Variants in SAMD9 observed in about 807,000 individuals in gnomAD.
SAMD9 encodes the protein sterile alpha motif domain containing 9.
In SAMD9, 3 loss-of-function variants were observed where a neutral mutation model predicts 1.5. That is an observed-to-expected ratio of 2.05 (90% CI 0.93 to 5.29). The LOEUF (loss-of-function observed/expected upper bound fraction) is 5.29, where lower values mean the gene tolerates loss of function less well. Ranked by LOEUF, SAMD9 falls within the 30% of genes most tolerant of loss-of-function variation. The pLI is 0.02. For missense variants in SAMD9, 1,597 were observed against 1,820.8 expected (o/e 0.88, Z 2.24); for synonymous variants, 635 against 631.9 (o/e 1.00, Z -0.07).
rs1791537407 is a variant in SAMD9, at chr7:93,101,920, A to G, written c.4178T>C (p.Ile1393Thr). 6.2e-7 allele frequency: 1 copy of G among 1,613,860 alleles called. No homozygotes were observed. The highest frequency in any genetic ancestry group is 8.5e-7 in the Non-Finnish European group (1 of 1,179,768). The change falls in exon 3 of 3, where the codon ATT (isoleucine) becomes ACT (threonine). Residue 1393 changes from isoleucine to threonine, a missense_variant. By Grantham distance (89) the Ile-to-Thr change is moderately conservative. This residue lies in a region of SAMD9 where 682 missense variants were observed against 810.0 expected (regional missense o/e 0.84). Transcript: ENST00000379958. Reference sequence around the variant, plus strand: ...GGTAGGTTGGATACAGGAGAGAATAATGTTGGCCAAGATGAAATTTAGCTT... The same window carrying G: ...GGTAGGTTGGATACAGGAGAGAATAGTGTTGGCCAAGATGAAATTTAGCTT... ...KEKLNFILANIILSCIQPTSR... is the reference protein window; with the variant it reads ...KEKLNFILANTILSCIQPTSR...
intron 2 of SAMD9, among the ~76,000 whole-genome samples, chr7:93,108,239 G>A (rs1791677372): frequency 6.6e-6 from 1 of 152,190 alleles, no homozygotes; most frequent in South Asian, 2.1e-4. Flanking sequence ...ATGTCCGGGG[G>A]ACTGCATGTA....
rs756171358 is a variant in SAMD9 at position 93,102,216 on chromosome 7, T to C, written c.3882A>G (p.Arg1294=). 12 of 1,613,654 alleles carry C rather than the reference T, an allele frequency of 7.4e-6. No individual in the cohort carries two copies. Among genetic ancestry groups the C allele is most frequent in the Non-Finnish European group, 1.0e-5 (12 of 1,179,752 alleles). ...ATTTCTTAAAATATCCAGCCACCTT[T>C]CTCCGAGTTTTGGCCTCTTCATTTT... ...IKQNEEAKTR[R]KVAGYFKKYV... The change falls in exon 3 of 3, where the codon AGA becomes AGG. Residue 1294 remains arginine, a synonymous_variant. Transcript: ENST00000379958.
Position 93,103,102 on chromosome 7 carries a change from C to T in SAMD9, c.2996G>A (p.Ser999Asn). 1 of 1,613,780 alleles carries T rather than the reference C, an allele frequency of 6.2e-7. No homozygotes were observed. The highest frequency in any genetic ancestry group is 8.5e-7 in the Non-Finnish European group (1 of 1,179,754). Residue 999 changes from serine (S) to asparagine (N), a missense_variant, in exon 3 of 3, where the codon AGC becomes AAC. Coordinates refer to ENST00000379958, the MANE Select transcript of SAMD9 (RefSeq NM_017654.4). ...AATTTGACTTTTATTCAGGTGATAGCTTTTCTTCAATTCTTCCAGTGAGAA... is the reference window on the plus strand; with the variant it reads ...AATTTGACTTTTATTCAGGTGATAGTTTTTCTTCAATTCTTCCAGTGAGAA... Reference protein sequence around the residue: ...AEFSLEELKKSYHLNKSQIML... With the variant: ...AEFSLEELKKNYHLNKSQIML...
In SAMD9 at chr7:93,102,512, C is replaced by G. The variant is rs1007250074; in HGVS notation, c.3586G>C (p.Gly1196Arg). ...CCAACTTCTATCTCTCCTTGATAAC[C>G]AGCTATATTGTAAGTATCATACCGC... ...KRRYDTYNIA[G>R]YQGEIEVGLY... is the part of the protein sequence containing the mutation. The change falls in exon 3 of 3, where the codon GGT becomes CGT. Residue 1196 changes from glycine (G) to arginine (R), a missense_variant. By Grantham distance (125) the Gly-to-Arg change is moderately radical (BLOSUM62 -2). Around this residue, in one of 6 missense-constraint regions of SAMD9, gnomAD observed 682 missense variants for 810.0 expected, o/e 0.84. Transcript: ENST00000379958. 3 of 1,613,642 alleles carry G rather than the reference C, an allele frequency of 1.9e-6. No homozygotes were observed. In the African/African-American group the frequency reaches 4.0e-5, roughly 22 times the overall value.
chr7:93,108,315 G>A lies in SAMD9; in HGVS notation c.-8-2210C>T, dbSNP rs1238206653. Among the ~76,000 whole-genome samples the A allele has an allele frequency of 3.9e-5, 6 of 152,152 alleles. No homozygotes were observed. The East Asian group carries it at 5.8e-4, about 15-fold the overall frequency. On this transcript the variant is annotated intron_variant, in intron 2 of 2. Coordinates refer to ENST00000379958, the MANE Select transcript of SAMD9 (RefSeq NM_017654.4). Reference sequence around the variant, plus strand: ...TCACCTCCTCAAGCCATAGGGTGCCGAGTCTAAAGCACAGGGCCGGGTTCC... The same window carrying A: ...TCACCTCCTCAAGCCATAGGGTGCCAAGTCTAAAGCACAGGGCCGGGTTCC...
intron 2 of SAMD9, among the ~76,000 whole-genome samples, chr7:93,110,898 G>A (rs984012417): frequency 1.3e-5 from 2 of 152,098 alleles, no homozygotes; most frequent in Admixed American, 6.6e-5. Context: ...ACAGATCCAC[G>A]AGACAGAAAG....
At position 93,104,223 on chromosome 7, in the gene SAMD9, A is replaced by G. The variant is rs1330435705; in HGVS notation, c.1875T>C (p.Thr625=). 6.2e-7 allele frequency: 1 copy of G among 1,613,926 alleles called. No individual in the cohort carries two copies. The highest frequency in any genetic ancestry group is 1.1e-5 in the South Asian group (1 of 91,068). Reference sequence around the variant, plus strand: ...ATGGCAAAAGCCTTTTTGAAGATTGAGTCACAGATTTTAGTTTAAGAATAG... The same window carrying G: ...ATGGCAAAAGCCTTTTTGAAGATTGGGTCACAGATTTTAGTTTAAGAATAG... ...NGTILKLKSV[T]QSSKRLLPSI... The change falls in exon 3 of 3, where the codon ACT becomes ACC. Residue 625 remains threonine, a synonymous_variant. Transcript: ENST00000379958.
Position 93,104,208 on chromosome 7 carries a change from C to A in SAMD9, c.1890G>T (p.Arg630Ser). Residue 630 changes from arginine (R) to serine (S), a missense_variant, in exon 3 of 3, where the codon AGG (arginine) becomes AGT (serine). Arg to Ser is a moderately radical substitution (Grantham distance 110, BLOSUM62 -1). Transcript: ENST00000379958. ...TCGATAAACCAATAGATGGCAAAAG[C>A]CTTTTTGAAGATTGAGTCACAGATT... Reference protein sequence around the residue: ...KLKSVTQSSKRLLPSIGLSTV... With the variant: ...KLKSVTQSSKSLLPSIGLSTV... 6.2e-7 allele frequency: 1 copy of A among 1,613,900 alleles called. No homozygotes were observed. The highest frequency in any genetic ancestry group is 8.5e-7 in the Non-Finnish European group (1 of 1,179,830).
intron 2 of SAMD9, among the ~76,000 whole-genome samples, chr7:93,108,809 G>A (rs1292855169): frequency 6.6e-6 from 1 of 152,198 alleles, no homozygotes; most frequent in Non-Finnish European, 1.5e-5. Context: ...CAGGAAGCTT[G>A]AACTGGGTGG....
At chr7:93,116,695 C>T (rs916010948) in intron 1 of SAMD9, among the ~76,000 whole-genome samples, 34 of 151,930 alleles carry the variant, frequency 2.2e-4, no homozygotes, top group African/African-American at 8.2e-4. Flanking sequence ...ATATTAAAAC[C>T]CTTAGGTAAA....
chr7:93,110,016 A>G (rs4579458), intron 2 of SAMD9, among the ~76,000 whole-genome samples: 12,192 of 152,240 alleles, frequency 0.08, 1,064 homozygotes, highest in African/African-American at 0.22. Context: ...CAGATTCACC[A>G]AAGTTGAAAT....
At position 93,103,135 on chromosome 7, in the gene SAMD9, A is replaced by G. The variant is rs773718012; in HGVS notation, c.2963T>C (p.Ile988Thr). 1.9e-6 allele frequency: 3 copies of G among 1,613,830 alleles called. No individual in the cohort carries two copies. The highest frequency in any genetic ancestry group is 1.1e-5 in the South Asian group (1 of 91,072). The change falls in exon 3 of 3, where the codon ATT (isoleucine) becomes ACT (threonine). Residue 988 changes from isoleucine to threonine, a missense_variant. Around this residue, in one of 6 missense-constraint regions of SAMD9, gnomAD observed 682 missense variants for 810.0 expected, o/e 0.84. Transcript: ENST00000379958. Reference sequence around the variant, plus strand: ...CAATTCTTCCAGTGAGAACTCTGCAATCAAAGAGTGAATGATGCGTACTCC... The same window carrying G: ...CAATTCTTCCAGTGAGAACTCTGCAGTCAAAGAGTGAATGATGCGTACTCC... ...YCGVRIIHSL[I>T]AEFSLEELKK...
intron 2 of SAMD9, among the ~76,000 whole-genome samples, chr7:93,113,098 A>C (rs1791774015): frequency 6.6e-6 from 1 of 152,206 alleles, no homozygotes; most frequent in East Asian, 1.9e-4. Flanking sequence ...ACTGGTACCA[A>C]AACAGAGATA....
intron 2 of SAMD9, among the ~76,000 whole-genome samples, chr7:93,113,079 C>A (rs972925242): frequency 6.6e-6 from 1 of 152,190 alleles, no homozygotes; most frequent in Non-Finnish European, 1.5e-5. Flanking sequence ...GTAACCAAAA[C>A]AGCATGGTAC....
In SAMD9 at chr7:93,102,728, C is replaced by T; in HGVS notation, c.3370G>A (p.Gly1124Ser). Residue 1124 changes from glycine (G) to serine (S), a missense_variant, in exon 3 of 3, where the codon GGT becomes AGT. Physicochemically the swap from Gly to Ser is moderately conservative, Grantham distance 56. Around this residue, in one of 6 missense-constraint regions of SAMD9, gnomAD observed 682 missense variants for 810.0 expected, o/e 0.84. Transcript: ENST00000379958. ...CTTATTTTACTTTTGTAGACTTGAC[C>T]CAGTGTATCTGAGATATAAGAATTG... Reference protein sequence around the residue: ...PDNSYISDTLGQVYKSKIRWW... With the variant: ...PDNSYISDTLSQVYKSKIRWW... 2 of 1,613,750 alleles carry T rather than the reference C, an allele frequency of 1.2e-6. No individual in the cohort carries two copies. The highest frequency in any genetic ancestry group is 1.7e-6 in the Non-Finnish European group (2 of 1,179,756).
At position 93,101,597 on chromosome 7, in the gene SAMD9, A is replaced by G. The variant is rs1791530988; in HGVS notation, c.4501T>C (p.Cys1501Arg). The G allele has an allele frequency of 1.2e-6, 2 of 1,613,778 alleles. No homozygotes were observed. The highest frequency in any genetic ancestry group is 1.7e-6 in the Non-Finnish European group (2 of 1,179,820). ...RLVHKGKIDQCFKKTPDINSL... is the reference protein window; with the variant it reads ...RLVHKGKIDQRFKKTPDINSL... ...TTAATATCTGGTGTCTTCTTAAAGC[A>G]CTGGTCAATTTTTCCTTTGTGAACA... Residue 1501 changes from cysteine to arginine, a missense_variant, in exon 3 of 3, where the codon TGC (cysteine) becomes CGC (arginine). Physicochemically the swap from Cys to Arg is radical, Grantham distance 180. Around this residue, in one of 6 missense-constraint regions of SAMD9, gnomAD observed 682 missense variants for 810.0 expected, o/e 0.84. Transcript: ENST00000379958.
intron 2 of SAMD9, among the ~76,000 whole-genome samples, chr7:93,109,864 C>A (rs918366685): frequency 2.0e-5 from 3 of 152,164 alleles, no homozygotes; most frequent in Non-Finnish European, 2.9e-5. Context: ...GAGAATGGAA[C>A]CAAGTTGGAA....
Position 93,103,932 on chromosome 7 carries a change from T to C in SAMD9, c.2166A>G (p.Ala722=), listed in dbSNP as rs775414621. 2 of 1,613,710 alleles carry C rather than the reference T, an allele frequency of 1.2e-6. No homozygotes were observed. The highest frequency in any genetic ancestry group is 1.7e-6 in the Non-Finnish European group (2 of 1,179,674). ...TGGTACTTGTTGGTTTAGAAGAATC[T>C]GCACAGTTTTGAATCATTGCTTCAA... ...ERLEAMIQNC[A]DSSKPTSTKI... is the part of the protein sequence containing the mutation. The change falls in exon 3 of 3, where the codon GCA becomes GCG. Residue 722 remains alanine, a synonymous_variant. Coordinates refer to ENST00000379958, the MANE Select transcript of SAMD9 (RefSeq NM_017654.4).
chr7:93,101,919 A>G lies in SAMD9; in HGVS notation c.4179T>C (p.Ile1393=). The G allele has an allele frequency of 6.2e-7, 1 of 1,613,816 alleles. No individual in the cohort carries two copies. Among genetic ancestry groups the G allele is most frequent in the Admixed American group, 1.7e-5 (1 of 60,002 alleles). Residue 1393 remains isoleucine, a synonymous_variant, in exon 3 of 3, where the codon ATT becomes ATC. Transcript: ENST00000379958. The part of the protein sequence containing the change: ...KEKLNFILAN[I]ILSCIQPTSR... ...AGGTAGGTTGGATACAGGAGAGAAT[A>G]ATGTTGGCCAAGATGAAATTTAGCT...
Sources: gnomAD v4.1 joint callset for allele counts (sites outside exome capture counted in the v4.1 genomes callset) on GRCh38, gnomAD v4.1.1 for gene constraint, gnomAD v4.1.1 regional missense constraint, MANE v1.5 for transcripts, NCBI Gene and HGNC (gene_info 2026-07-23, HGNC 2026-07-21) for gene names.